ERC2: variants seen among roughly 807,000 people sequenced by gnomAD.
ERC2 encodes ERC protein 2.
In ERC2, 42 loss-of-function variants were observed where a neutral mutation model predicts 114.8. The ratio of observed to expected loss-of-function variants is 0.37; its 90% confidence interval spans 0.29 to 0.47. ERC2 has a LOEUF of 0.47. Among genes scored for constraint, ERC2 ranks in the 20% least tolerant of loss-of-function variants. The probability of loss-of-function intolerance (pLI) is 0.99; values close to 1 mark genes in which losing one functional copy is unlikely to be tolerated. For synonymous variants in ERC2, 454 were observed against 425.5 expected, an observed-to-expected ratio of 1.07 and a Z score of -0.82; for missense variants, 939 against 1,150.7, an observed-to-expected ratio of 0.82 and a Z score of 2.66.
chr3:56,206,941 T>C (rs982725576), intron 3 of ERC2, among the ~76,000 whole-genome samples: 1 of 152,212 alleles, frequency 6.6e-6, no homozygotes, highest in African/African-American at 2.4e-5. Context: ...ATCACTGCAA[T>C]ATATAATTTC....
chr3:56,121,775 G>T (rs753796067), intron 6 of ERC2, among the ~76,000 whole-genome samples: 1 of 152,094 alleles, frequency 6.6e-6, no homozygotes, highest in Non-Finnish European at 1.5e-5. Context: ...TTTAAACTAG[G>T]TGTTAATATA....
intron 15 of ERC2, among the ~76,000 whole-genome samples, chr3:55,709,403 T>C (rs181905707): frequency 6.6e-6 from 1 of 152,204 alleles, no homozygotes; most frequent in Non-Finnish European, 1.5e-5. Flanking sequence ...AGAGGTTTCA[T>C]AGAAATTATG....
At chr3:55,901,670 C>T (rs78179461) in intron 13 of ERC2, among the ~76,000 whole-genome samples, 2,674 of 152,250 alleles carry the variant, frequency 0.018, 39 homozygotes, top group Middle Eastern at 0.068. Flanking sequence ...AGATAATGTC[C>T]CTTTCTTAAA....
intron 1 of ERC2, among the ~76,000 whole-genome samples, chr3:56,444,924 A>G (rs2062492170): frequency 6.6e-6 from 1 of 152,242 alleles, no homozygotes; most frequent in African/African-American, 2.4e-5. Flanking sequence ...TTCTAAAGGA[A>G]GACACAATGG....
At chr3:55,855,752 T>C (rs373458876) in intron 14 of ERC2, among the ~76,000 whole-genome samples, 2 of 152,236 alleles carry the variant, frequency 1.3e-5, no homozygotes, top group East Asian at 1.9e-4. Context: ...ATTTAAACAA[T>C]ACCTGCAAGG....
intron 3 of ERC2, among the ~76,000 whole-genome samples, chr3:56,231,476 T>C (rs1040964253): frequency 6.6e-6 from 1 of 152,206 alleles, no homozygotes; most frequent in African/African-American, 2.4e-5. Context: ...CCACCTGCCA[T>C]TGTGGCATTC....
At chr3:56,213,923 A>G (rs2049261806) in intron 3 of ERC2, among the ~76,000 whole-genome samples, 1 of 152,164 alleles carries the variant, frequency 6.6e-6, no homozygotes, top group Admixed American at 6.5e-5. Context: ...GCAAACTCCA[A>G]CAGACCTGCA....
chr3:55,672,995 C>T (rs1360727312), intron 17 of ERC2, among the ~76,000 whole-genome samples: 1 of 152,184 alleles, frequency 6.6e-6, no homozygotes, highest in Non-Finnish European at 1.5e-5. Context: ...TCTTAGCTGG[C>T]ACCCTCACAC....
At chr3:55,992,004 C>G in intron 11 of ERC2, 53 bp downstream of exon 11, 4 of 1,524,858 alleles carry the variant, frequency 2.6e-6, no homozygotes, top group Non-Finnish European at 3.6e-6. Context: ...GATGGGCAAC[C>G]ACGCAGTCCA....
At chr3:55,971,510 C>A (rs1193699213) in intron 12 of ERC2, among the ~76,000 whole-genome samples, 2 of 152,112 alleles carry the variant, frequency 1.3e-5, no homozygotes, top group Non-Finnish European at 2.9e-5. Context: ...AGGCATAATG[C>A]AAGCATAGAC....
intron 2 of ERC2, among the ~76,000 whole-genome samples, chr3:56,403,691 C>A (rs190539944): frequency 3.3e-5 from 5 of 152,272 alleles, no homozygotes; most frequent in Admixed American, 3.3e-4. Flanking sequence ...AGCACAGTAC[C>A]GAAAGACCCA....
intron 3 of ERC2, among the ~76,000 whole-genome samples, chr3:56,238,053 G>A (rs1432597066): frequency 6.6e-6 from 1 of 152,186 alleles, no homozygotes; most frequent in Non-Finnish European, 1.5e-5. Context: ...CTAGGCCAGA[G>A]GGACTCTTGT....
intron 3 of ERC2, among the ~76,000 whole-genome samples, chr3:56,278,903 A>C (rs1012822256): frequency 5.3e-5 from 8 of 152,138 alleles, no homozygotes; most frequent in Non-Finnish European, 1.2e-4. Flanking sequence ...TCATGACCCA[A>C]ACACTTCCCA....
intron 2 of ERC2, among the ~76,000 whole-genome samples, chr3:56,386,057 G>T (rs1156378356): frequency 6.6e-6 from 1 of 152,102 alleles, no homozygotes; most frequent in Non-Finnish European, 1.5e-5. Context: ...AATGGAAAGG[G>T]TTGGTTCAGT....
intron 3 of ERC2, among the ~76,000 whole-genome samples, chr3:56,182,128 C>T (rs1341143188): frequency 6.6e-6 from 1 of 152,226 alleles, no homozygotes; most frequent in African/African-American, 2.4e-5. Flanking sequence ...GGAAGGTCAA[C>T]AGCTGACCCT....
intron 14 of ERC2, among the ~76,000 whole-genome samples, chr3:55,882,517 G>A (rs530889144): frequency 6.1e-4 from 93 of 152,166 alleles, no homozygotes; most frequent in Non-Finnish European, 1.2e-3. Flanking sequence ...ATCAACCACG[G>A]ATCAGAAATA....
At chr3:55,759,472 A>AAAC (rs2067278093) in intron 14 of ERC2, among the ~76,000 whole-genome samples, 10 of 64,752 alleles carry the variant, frequency 1.5e-4, no homozygotes, top group African/African-American at 7.0e-4. Context: ...TAAAAAAAAA[A>AAAC]AAAAAAAAAA....
At chr3:55,766,630 T>A (rs1355535081) in intron 14 of ERC2, 1 of 151,820 alleles carries the variant, frequency 6.6e-6, no homozygotes, top group Non-Finnish European at 1.5e-5. Flanking sequence ...TGGGATAGAC[T>A]GAAGACCCAA....
chr3:55,955,248 T>TTGTGTGTGTGTGTGTG (rs60633794), intron 12 of ERC2: 7 of 360,698 alleles, frequency 1.9e-5, no homozygotes, highest in African/African-American at 1.3e-4. Flanking sequence ...GGTGGTGTGT[T>TTGTGTGTGTGTGTGTG]TGTGTGTGTG....
Sources: gnomAD v4.1 joint callset for allele counts (sites outside exome capture counted in the v4.1 genomes callset) on GRCh38, gnomAD v4.1.1 for gene constraint, MANE v1.5 for transcripts, NCBI Gene and HGNC (gene_info 2026-07-23, HGNC 2026-07-21) for gene names.